PGPEP1: variants seen among roughly 807,000 people sequenced by gnomAD.
PGPEP1 encodes the protein pyroglutamyl-peptidase 1.
PGPEP1 carries 15 observed loss-of-function variants against 24.1 expected under a neutral mutation model. The ratio of observed to expected loss-of-function variants is 0.62; its 90% CI spans 0.42 to 0.96. PGPEP1 has a LOEUF of 0.96. Among genes scored for constraint, PGPEP1 ranks in the 40% least tolerant of loss-of-function variants. The pLI is 0.00. For missense variants in PGPEP1, 242 were observed against 273.4 expected, an observed-to-expected ratio of 0.89 and a Z score of 0.81; for synonymous variants, 122 against 116.4, an observed-to-expected ratio of 1.05 and a Z score of -0.31.
At chr19:18,361,580 C>A in intron 4 of PGPEP1, 1 of 264,552 alleles carries the variant, frequency 3.8e-6, no homozygotes, top group Non-Finnish European at 5.9e-6. Flanking sequence ...CCACCATACC[C>A]AGCTTCCATC....
At position 18,365,368 on chromosome 19, in the gene PGPEP1, G is replaced by C. The variant is rs1001925536; in HGVS notation, c.*1785G>C. ...GTTTGTTTGTTTGTTTTTATGATAG[G>C]GTCTTGTTCTGTTGACCAGGCTGGA... On this transcript the variant is annotated 3_prime_UTR_variant, in exon 5 of 5. Coordinates refer to ENST00000269919, the MANE Select transcript of PGPEP1 (RefSeq NM_017712.4). 1 of 152,042 alleles carries C rather than the reference G, an allele frequency of 6.6e-6. No homozygotes were observed. Among genetic ancestry groups the C allele is most frequent in the African/African-American group, 2.4e-5 (1 of 41,370 alleles). The allele number at this position is 152,042 out of a possible 1,614,324, so 9.4% of individuals were successfully genotyped here.
At chr19:18,359,115 C>T (rs2144572987) in intron 4 of PGPEP1, among the ~76,000 whole-genome samples, 1 of 152,006 alleles carries the variant, frequency 6.6e-6, no homozygotes, top group East Asian at 2.0e-4. Context: ...TAAGGAGACC[C>T]CATCTGAACA....
intron 2 of PGPEP1, among the ~76,000 whole-genome samples, chr19:18,353,625 C>T (rs1042916247): frequency 6.6e-6 from 1 of 152,158 alleles, no homozygotes; most frequent in Non-Finnish European, 1.5e-5. Flanking sequence ...GAGACCCTGT[C>T]CCCATCAGTA....
At chr19:18,363,342 T>G (rs1269803924) in intron 4 of PGPEP1, 49 bp from the exon 5 acceptor site, 2 of 1,529,792 alleles carry the variant, frequency 1.3e-6, no homozygotes, top group Admixed American at 3.5e-5. Flanking sequence ...GGATTGCCCC[T>G]CTGACCCCGT....
At chr19:18,363,322 C>T (rs1971403091) in intron 4 of PGPEP1, 69 bp from the exon 5 acceptor site, 2 of 1,323,552 alleles carry the variant, frequency 1.5e-6, no homozygotes, top group Non-Finnish European at 2.1e-6. Context: ...GTGCTGTCAC[C>T]TTGGTCTACG....
At chr19:18,360,178 A>G (rs1470589709) in intron 4 of PGPEP1, among the ~76,000 whole-genome samples, 2 of 151,498 alleles carry the variant, frequency 1.3e-5, no homozygotes, top group African/African-American at 2.4e-5. Context: ...TAATTTTTGT[A>G]TTTTTTGTAG....
chr19:18,360,674 A>G (rs1017770761), intron 4 of PGPEP1, among the ~76,000 whole-genome samples: 5 of 151,682 alleles, frequency 3.3e-5, no homozygotes, highest in African/African-American at 9.7e-5. Context: ...ACAGGTGCCC[A>G]TCACCACACC....
chr19:18,365,339 T>TTTTG lies in PGPEP1; in HGVS notation c.*1772_*1775dup, dbSNP rs1309744863. ...CTTGTTGGTTTCCCAACATCTAGGT[T>TTTTG]TTTGTTTGTTTGTTTGTTTTTATGA... On this transcript the variant is annotated 3_prime_UTR_variant, in exon 5 of 5. Transcript: ENST00000269919. The TTTTG allele has an allele frequency of 7.2e-5, 11 of 152,104 alleles. No homozygotes were observed. The highest frequency in any genetic ancestry group is 2.6e-4 in the Admixed American group (4 of 15,212). The allele number at this position is 152,104 out of a possible 1,614,324, so 9.4% of individuals were successfully genotyped here.
chr19:18,363,710 G>C lies in PGPEP1; in HGVS notation c.*127G>C, dbSNP rs1971424048. 1.6e-6 allele frequency: 1 copy of C among 632,164 alleles called. No individual in the cohort carries two copies. Among genetic ancestry groups the C allele is most frequent in the Admixed American group, 2.9e-5 (1 of 34,262 alleles). The allele number at this position is 632,164 out of a possible 1,614,324, so 39.2% of individuals were successfully genotyped here. ...GGATCCGATCTGGAAGAGAGATTCT[G>C]ATCTGCCCACCTCCTCTTCCTCCTT... On this transcript the variant is annotated 3_prime_UTR_variant, in exon 5 of 5. Coordinates refer to ENST00000269919, the MANE Select transcript of PGPEP1 (RefSeq NM_017712.4).
intron 4 of PGPEP1, chr19:18,361,998 C>A: frequency 2.3e-6 from 1 of 443,856 alleles, no homozygotes; most frequent in Non-Finnish European, 3.0e-6. Flanking sequence ...CACTCCCTGT[C>A]AGTGGGCTTT....
chr19:18,357,576 G>A lies in PGPEP1; in HGVS notation c.398G>A (p.Gly133Asp). The A allele has an allele frequency of 1.2e-6, 2 of 1,612,058 alleles. No individual in the cohort carries two copies. The change falls in exon 4 of 5, where the codon GGC becomes GAC. Residue 133 changes from glycine to aspartate, a missense_variant. By Grantham distance (94) the Gly-to-Asp change is moderately conservative. Transcript: ENST00000269919. The part of the protein sequence containing the change: ...DAVCKRVTTL[G>D]LDVSVTISQD... Reference sequence around the variant, plus strand: ...GTGTGCAAGCGAGTCACCACGTTGGGCCTGGATGTGTCGGTGACCATCTCG... The same window carrying A: ...GTGTGCAAGCGAGTCACCACGTTGGACCTGGATGTGTCGGTGACCATCTCG...
chr19:18,354,388 G>A (rs1048860296), intron 2 of PGPEP1, among the ~76,000 whole-genome samples: 1 of 152,172 alleles, frequency 6.6e-6, no homozygotes, highest in East Asian at 1.9e-4. Flanking sequence ...CCAGCTACTC[G>A]GGAGGCTGAG....
intron 2 of PGPEP1, among the ~76,000 whole-genome samples, chr19:18,352,039 A>G (rs1042854700): frequency 1.4e-4 from 21 of 151,888 alleles, no homozygotes; most frequent in African/African-American, 5.1e-4. Flanking sequence ...TGGGAGGCCG[A>G]GATGGGCGGA....
At chr19:18,353,975 C>G (rs1249438619) in intron 2 of PGPEP1, among the ~76,000 whole-genome samples, 1 of 152,198 alleles carries the variant, frequency 6.6e-6, no homozygotes, top group Non-Finnish European at 1.5e-5. Flanking sequence ...TGGCTCACCC[C>G]TGTAATCCCA....
Position 18,347,270 on chromosome 19 carries a change from C to CTTTTTTTTTTTT in PGPEP1, c.87+4366_87+4377dup, listed in dbSNP as rs59936417. ...CTAATTTTTTTTTCTTTCTTTCTTT[C>CTTTTTTTTTTTT]TTTTTTTTTTTTTTTTTTGTAGAGA... On this transcript the variant is annotated intron_variant, in intron 2 of 4. Coordinates refer to ENST00000269919, the MANE Select transcript of PGPEP1 (RefSeq NM_017712.4). 4.2e-3 allele frequency among the ~76,000 whole-genome samples: 397 copies of CTTTTTTTTTTTT among 94,390 alleles called. 2 individuals carry two copies. The highest frequency in any genetic ancestry group is 5.3e-3 in the Non-Finnish European group (271 of 51,294). The allele number at this position is 94,390 out of a possible 152,430, so 61.9% of individuals were successfully genotyped here.
chr19:18,352,346 A>C (rs1198244148), intron 2 of PGPEP1, among the ~76,000 whole-genome samples: 2 of 148,218 alleles, frequency 1.3e-5, no homozygotes, highest in Admixed American at 1.4e-4. Flanking sequence ...CGGGAGGATG[A>C]GGCAGAAGGA....
chr19:18,352,337 G>A (rs1214869914), intron 2 of PGPEP1, among the ~76,000 whole-genome samples: 6 of 149,394 alleles, frequency 4.0e-5, no homozygotes, highest in Non-Finnish European at 5.9e-5. Context: ...CCCAGTACTC[G>A]GGAGGATGAG....
intron 3 of PGPEP1, 61 bp from the exon 4 acceptor site, chr19:18,357,322 G>T: frequency 7.5e-7 from 1 of 1,331,110 alleles, no homozygotes; most frequent in East Asian, 2.4e-5. Flanking sequence ...CCTGGCCTCA[G>T]GGGGACCCCT....
At chr19:18,363,198 G>A (rs1214781171) in intron 4 of PGPEP1, among the ~76,000 whole-genome samples, 193 bp from the exon 5 acceptor site, 2 of 152,016 alleles carry the variant, frequency 1.3e-5, no homozygotes, top group African/African-American at 2.4e-5. Flanking sequence ...TGGGACTACA[G>A]GCACGTGCCA....
Sources: gnomAD v4.1 joint callset for allele counts (sites outside exome capture counted in the v4.1 genomes callset) on GRCh38, gnomAD v4.1.1 for gene constraint, MANE v1.5 for transcripts, NCBI Gene and HGNC (gene_info 2026-07-23, HGNC 2026-07-21) for gene names.